The following CLDN4 variants were observed in gnomAD, a reference collection of about 807,000 sequenced individuals.
CLDN4 encodes claudin-4.
A neutral mutation model predicts 13.7 loss-of-function variants in CLDN4; 12 were observed. The observed-to-expected ratio is 0.88, with a 90% CI of 0.56 to 1.42. CLDN4 has a LOEUF of 1.42. Ranked by LOEUF, CLDN4 falls within the 40% of genes most tolerant of loss-of-function variation. The pLI is 0.00. For missense variants in CLDN4, 252 were observed against 297.4 expected (o/e 0.85, Z 1.12); for synonymous variants, 152 against 140.6 (o/e 1.08, Z -0.57).
chr7:73,831,782 C>A lies in CLDN4; in HGVS notation c.581C>A (p.Ser194Tyr). 1 of 1,594,328 alleles carries A rather than the reference C, an allele frequency of 6.3e-7. No homozygotes were observed. Among genetic ancestry groups the A allele is most frequent in the Admixed American group, 1.7e-5 (1 of 58,790 alleles). ...NCPPRTDKPY[S>Y]AKYSAARSAA... ...CCACCCCGCACAGACAAGCCTTACTCCGCCAAGTATTCTGCTGCCCGCTCT... is the reference window on the plus strand; with the variant it reads ...CCACCCCGCACAGACAAGCCTTACTACGCCAAGTATTCTGCTGCCCGCTCT... The change falls in exon 1 of 1, where the codon TCC becomes TAC. Residue 194 changes from serine (S) to tyrosine (Y), a missense_variant. By Grantham distance (144) the Ser-to-Tyr change is moderately radical (BLOSUM62 -2). Transcript: ENST00000340958.
Position 73,832,053 on chromosome 7 carries a change from C to T in CLDN4, c.*222C>T. On this transcript the variant is annotated 3_prime_UTR_variant, in exon 1 of 1. Transcript: ENST00000340958. Reference sequence around the variant, plus strand: ...CCTGCTAGCAAGAACAGAGTCCACCCTCCTCTGGATATTGGGGAGGGACGG... The same window carrying T: ...CCTGCTAGCAAGAACAGAGTCCACCTTCCTCTGGATATTGGGGAGGGACGG... 1 of 547,148 alleles carries T rather than the reference C, an allele frequency of 1.8e-6. No homozygotes were observed. The allele number at this position is 547,148 out of a possible 1,614,324, so 33.9% of individuals were successfully genotyped here. A position where few individuals can be genotyped will look rare whatever the true frequency, so the allele number is the denominator to read the frequency against.
At position 73,831,684 on chromosome 7, in the gene CLDN4, T is replaced by C; in HGVS notation, c.483T>C (p.Gly161=). Residue 161 remains glycine, a synonymous_variant, in exon 1 of 1, where the codon GGT becomes GGC. Transcript: ENST00000340958. The part of the protein sequence containing the change: ...LVASGQKREM[G]ASLYVGWAAS... ...CCTCCGGGCAGAAGCGGGAGATGGG[T>C]GCCTCGCTCTACGTCGGCTGGGCCG... 3 of 1,614,100 alleles carry C rather than the reference T, an allele frequency of 1.9e-6. No individual in the cohort carries two copies. The highest frequency in any genetic ancestry group is 2.5e-6 in the Non-Finnish European group (3 of 1,179,994).
chr7:73,831,595 G>T lies in CLDN4; in HGVS notation c.394G>T (p.Val132Leu), dbSNP rs1385845971. ...GVVFLLAGLM[V>L]IVPVSWTAHN... The stretch of plus-strand genomic sequence containing the variant: ...GGTGTTCCTGTTGGCCGGCCTTATG[G>T]TGATAGTGCCGGTGTCCTGGACGGC... Residue 132 changes from valine (V) to leucine (L), a missense_variant, in exon 1 of 1, where the codon GTG becomes TTG. Transcript: ENST00000340958. The T allele has an allele frequency of 1.2e-6, 2 of 1,614,056 alleles. No individual in the cohort carries two copies. The highest frequency in any genetic ancestry group is 2.7e-5 in the African/African-American group (2 of 74,946).
rs1127238 is a variant in CLDN4 at position 73,832,623 on chromosome 7, G to A, written c.*792G>A. 1 of 166,720 alleles carries A rather than the reference G, an allele frequency of 6.0e-6. No individual in the cohort carries two copies. The highest frequency in any genetic ancestry group is 6.6e-5 in the Admixed American group (1 of 15,246). The allele number at this position is 166,720 out of a possible 1,614,324, so 10.3% of individuals were successfully genotyped here. A position where few individuals can be genotyped will look rare whatever the true frequency, so the allele number is the denominator to read the frequency against. On this transcript the variant is annotated 3_prime_UTR_variant, in exon 1 of 1. Coordinates refer to ENST00000340958, the MANE Select transcript of CLDN4 (RefSeq NM_001305.5). ...TTGTGGTTTCTGTTTTGTAATTTAAGAAGAGCTATTCATCACTGTAATTAT... is the reference window on the plus strand; with the variant it reads ...TTGTGGTTTCTGTTTTGTAATTTAAAAAGAGCTATTCATCACTGTAATTAT...
Position 73,832,507 on chromosome 7 carries a change from C to G in CLDN4, c.*676C>G, listed in dbSNP as rs1554634290. On this transcript the variant is annotated 3_prime_UTR_variant, in exon 1 of 1. Coordinates refer to ENST00000340958, the MANE Select transcript of CLDN4 (RefSeq NM_001305.5). ...ACTGATCCCCTCTGAGTCCTCTGCC[C>G]CTTCCAAGGACACTAATGAGCCTGG... is the stretch of plus-strand genomic sequence containing the variant. The G allele has an allele frequency of 6.0e-6, 1 of 167,058 alleles. No homozygotes were observed. Among genetic ancestry groups the G allele is most frequent in the African/African-American group, 2.4e-5 (1 of 41,400 alleles). The allele number at this position is 167,058 out of a possible 1,614,324, so 10.3% of individuals were successfully genotyped here. A position where few individuals can be genotyped will look rare whatever the true frequency, so the allele number is the denominator to read the frequency against.
At position 73,831,085 on chromosome 7, in the gene CLDN4, C is replaced by A; in HGVS notation, c.-117C>A. ...AGGACTGGCTTTATCTCCTGACTCACGGTGCAAAGGTGCACTCTGCGAACG... is the reference window on the plus strand; with the variant it reads ...AGGACTGGCTTTATCTCCTGACTCAAGGTGCAAAGGTGCACTCTGCGAACG... On this transcript the variant is annotated 5_prime_UTR_variant, in exon 1 of 1. Transcript: ENST00000340958. The A allele has an allele frequency of 3.9e-6, 5 of 1,275,114 alleles. No individual in the cohort carries two copies. Among genetic ancestry groups the A allele is most frequent in the Non-Finnish European group, 5.4e-6 (5 of 931,138 alleles). 79.0% of individuals were successfully genotyped at this position (1,275,114 alleles called of 1,614,324 possible). A position where few individuals can be genotyped will look rare whatever the true frequency, so the allele number is the denominator to read the frequency against.
Position 73,831,305 on chromosome 7 carries a change from T to C in CLDN4, c.104T>C (p.Phe35Ser). The C allele has an allele frequency of 6.2e-7, 1 of 1,613,954 alleles. No homozygotes were observed. Among genetic ancestry groups the C allele is most frequent in the Non-Finnish European group, 8.5e-7 (1 of 1,179,948 alleles). ...CTGCCCATGTGGCGCGTGACGGCCTTCATCGGCAGCAACATTGTCACCTCG... is the reference window on the plus strand; with the variant it reads ...CTGCCCATGTGGCGCGTGACGGCCTCCATCGGCAGCAACATTGTCACCTCG... ...CALPMWRVTA[F>S]IGSNIVTSQT... Residue 35 changes from phenylalanine to serine, a missense_variant, in exon 1 of 1, where the codon TTC (phenylalanine) becomes TCC (serine). Phe to Ser is a radical substitution (Grantham distance 155, BLOSUM62 -2). Transcript: ENST00000340958.
At position 73,831,312 on chromosome 7, in the gene CLDN4, C is replaced by T. The variant is rs781935849; in HGVS notation, c.111C>T (p.Gly37=). ...LPMWRVTAFI[G]SNIVTSQTIW... The stretch of plus-strand genomic sequence containing the variant: ...TGTGGCGCGTGACGGCCTTCATCGG[C>T]AGCAACATTGTCACCTCGCAGACCA... The change falls in exon 1 of 1, where the codon GGC becomes GGT. Residue 37 remains glycine, a synonymous_variant. Coordinates refer to ENST00000340958, the MANE Select transcript of CLDN4 (RefSeq NM_001305.5). The T allele has an allele frequency of 8.7e-6, 14 of 1,613,862 alleles. No individual in the cohort carries two copies. The highest frequency in any genetic ancestry group is 1.2e-5 in the Non-Finnish European group (14 of 1,179,960).
At position 73,831,763 on chromosome 7, in the gene CLDN4, C is replaced by T. The variant is rs782258246; in HGVS notation, c.562C>T (p.Arg188Cys). 1.1e-5 allele frequency: 17 copies of T among 1,606,886 alleles called. No homozygotes were observed. Among genetic ancestry groups the T allele is most frequent in the African/African-American group, 1.3e-5 (1 of 74,848 alleles). Residue 188 changes from arginine (R) to cysteine (C), a missense_variant, in exon 1 of 1, where the codon CGC becomes TGC. Coordinates refer to ENST00000340958, the MANE Select transcript of CLDN4 (RefSeq NM_001305.5). Reference sequence around the variant, plus strand: ...GCTGCTTTGCTGCAACTGTCCACCCCGCACAGACAAGCCTTACTCCGCCAA... The same window carrying T: ...GCTGCTTTGCTGCAACTGTCCACCCTGCACAGACAAGCCTTACTCCGCCAA... The part of the protein sequence containing the change: ...GGLLCCNCPP[R>C]TDKPYSAKYS...
chr7:73,831,516 C>CA lies in CLDN4; in HGVS notation c.317dup (p.Asn106LysfsTer6), dbSNP rs782612684. 4 of 1,614,080 alleles carry CA rather than the reference C, an allele frequency of 2.5e-6. No homozygotes were observed. The East Asian group carries it at 8.9e-5, about 36-fold the overall frequency. ...TGTCCGTGGTGGGGGGCAAGTGTAC[C>CA]AACTGCCTGGAGGATGAAAGCGCCA... On this transcript the variant is annotated frameshift_variant, in exon 1 of 1. Coordinates refer to ENST00000340958, the MANE Select transcript of CLDN4 (RefSeq NM_001305.5). LOFTEE classifies it high-confidence loss of function.
rs879973190 is a variant in CLDN4 at position 73,831,894 on chromosome 7, G to C, written c.*63G>C. 56 of 1,515,922 alleles carry C rather than the reference G, an allele frequency of 3.7e-5. 1 individual carries two copies. The South Asian group carries it at 6.8e-4, about 18-fold the overall frequency. The allele number at this position is 1,515,922 out of a possible 1,614,324, so 93.9% of individuals were successfully genotyped here. On this transcript the variant is annotated 3_prime_UTR_variant, in exon 1 of 1. Coordinates refer to ENST00000340958, the MANE Select transcript of CLDN4 (RefSeq NM_001305.5). ...CTTCCCTGGACTGAGCTCAGCGCAG[G>C]CTGTGACCCCAGGAGGGCCCTGCCA...
chr7:73,831,491 T>G lies in CLDN4; in HGVS notation c.290T>G (p.Leu97Arg), dbSNP rs1554634097. ...SIIVAALGVL[L>R]SVVGGKCTNC... Reference sequence around the variant, plus strand: ...ATCGTGGCTGCTCTGGGCGTGCTGCTGTCCGTGGTGGGGGGCAAGTGTACC... The same window carrying G: ...ATCGTGGCTGCTCTGGGCGTGCTGCGGTCCGTGGTGGGGGGCAAGTGTACC... The change falls in exon 1 of 1, where the codon CTG (leucine) becomes CGG (arginine). Residue 97 changes from leucine (L) to arginine (R), a missense_variant. Leu to Arg is a moderately radical substitution (Grantham distance 102). Coordinates refer to ENST00000340958, the MANE Select transcript of CLDN4 (RefSeq NM_001305.5). The G allele has an allele frequency of 6.2e-7, 1 of 1,614,212 alleles. No individual in the cohort carries two copies. Among genetic ancestry groups the G allele is most frequent in the South Asian group, 1.1e-5 (1 of 91,084 alleles).
At position 73,831,801 on chromosome 7, in the gene CLDN4, C is replaced by T; in HGVS notation, c.600C>T (p.Ala200=). 1 of 1,577,400 alleles carries T rather than the reference C, an allele frequency of 6.3e-7. No homozygotes were observed. Among genetic ancestry groups the T allele is most frequent in the Non-Finnish European group, 8.6e-7 (1 of 1,159,314 alleles). Residue 200 remains alanine (A), a synonymous_variant, in exon 1 of 1, where the codon GCC becomes GCT. Transcript: ENST00000340958. ...CTTACTCCGCCAAGTATTCTGCTGC[C>T]CGCTCTGCTGCTGCCAGCAACTACG... ...DKPYSAKYSA[A]RSAAASNYV
Position 73,831,268 on chromosome 7 carries a change from C to T in CLDN4, c.67C>T (p.Leu23=). 6.2e-7 allele frequency: 1 copy of T among 1,609,414 alleles called. No individual in the cohort carries two copies. The highest frequency in any genetic ancestry group is 8.5e-7 in the Non-Finnish European group (1 of 1,177,084). ...CGTCCTGGGCTGGCTGGCCGTCATG[C>T]TGTGCTGCGCGCTGCCCATGTGGCG... ...LAVLGWLAVM[L]CCALPMWRVT... The change falls in exon 1 of 1, where the codon CTG becomes TTG. Residue 23 remains leucine (L), a synonymous_variant. Transcript: ENST00000340958.
At position 73,832,276 on chromosome 7, in the gene CLDN4, C is replaced by T. The variant is rs1248168584; in HGVS notation, c.*445C>T. The T allele has an allele frequency of 1.1e-5, 2 of 177,320 alleles. No individual in the cohort carries two copies. Among genetic ancestry groups the T allele is most frequent in the African/African-American group, 2.4e-5 (1 of 41,770 alleles). 11.0% of individuals were successfully genotyped at this position (177,320 alleles called of 1,614,324 possible). A position where few individuals can be genotyped will look rare whatever the true frequency, so the allele number is the denominator to read the frequency against. On this transcript the variant is annotated 3_prime_UTR_variant, in exon 1 of 1. Transcript: ENST00000340958. ...GGACTGTGCCTTGCTCACCGAAACC[C>T]GCGCCCAGGAGTATGGCTGAGGCCT...
rs1788027245 is a variant in CLDN4 at position 73,831,352 on chromosome 7, T to C, written c.151T>C (p.Trp51Arg). 2.5e-6 allele frequency: 4 copies of C among 1,614,054 alleles called. No individual in the cohort carries two copies. The highest frequency in any genetic ancestry group is 3.4e-6 in the Non-Finnish European group (4 of 1,179,986). ...VTSQTIWEGL[W>R]MNCVVQSTGQ... Reference sequence around the variant, plus strand: ...CTCGCAGACCATCTGGGAGGGCCTATGGATGAACTGCGTGGTGCAGAGCAC... The same window carrying C: ...CTCGCAGACCATCTGGGAGGGCCTACGGATGAACTGCGTGGTGCAGAGCAC... The change falls in exon 1 of 1, where the codon TGG (tryptophan) becomes CGG (arginine). Residue 51 changes from tryptophan (W) to arginine (R), a missense_variant. By Grantham distance (101) the Trp-to-Arg change is moderately radical. Coordinates refer to ENST00000340958, the MANE Select transcript of CLDN4 (RefSeq NM_001305.5).
rs782733838 is a variant in CLDN4, at chr7:73,831,797, C to T, written c.596C>T (p.Ala199Val). ...TDKPYSAKYS[A>V]ARSAAASNYV ...AAGCCTTACTCCGCCAAGTATTCTGCTGCCCGCTCTGCTGCTGCCAGCAAC... is the reference window on the plus strand; with the variant it reads ...AAGCCTTACTCCGCCAAGTATTCTGTTGCCCGCTCTGCTGCTGCCAGCAAC... The change falls in exon 1 of 1, where the codon GCT (alanine) becomes GTT (valine). Residue 199 changes from alanine (A) to valine (V), a missense_variant. Coordinates refer to ENST00000340958, the MANE Select transcript of CLDN4 (RefSeq NM_001305.5). 3.2e-6 allele frequency: 5 copies of T among 1,578,110 alleles called. No individual in the cohort carries two copies. Among genetic ancestry groups the T allele is most frequent in the Non-Finnish European group, 4.3e-6 (5 of 1,159,868 alleles).
rs1352397982 is a variant in CLDN4 at position 73,832,227 on chromosome 7, G to A, written c.*396G>A. 6.0e-5 allele frequency: 13 copies of A among 215,478 alleles called. No individual in the cohort carries two copies. The highest frequency in any genetic ancestry group is 2.1e-4 in the African/African-American group (9 of 43,090). The allele number at this position is 215,478 out of a possible 1,614,324, so 13.3% of individuals were successfully genotyped here. ...TGTCTGCCTGCATCTCCTCTGTTCC[G>A]GGTAGGCCTTGATATCACCTCTGGG... On this transcript the variant is annotated 3_prime_UTR_variant, in exon 1 of 1. Coordinates refer to ENST00000340958, the MANE Select transcript of CLDN4 (RefSeq NM_001305.5).
Position 73,831,416 on chromosome 7 carries a change from C to T in CLDN4, c.215C>T (p.Ala72Val), listed in dbSNP as rs1226802610. ...TGCAAGGTGTACGACTCGCTGCTGGCACTGCCGCAGGACCTGCAGGCGGCC... is the reference window on the plus strand; with the variant it reads ...TGCAAGGTGTACGACTCGCTGCTGGTACTGCCGCAGGACCTGCAGGCGGCC... ...MQCKVYDSLLALPQDLQAARA... is the reference protein window; with the variant it reads ...MQCKVYDSLLVLPQDLQAARA... The change falls in exon 1 of 1, where the codon GCA (alanine) becomes GTA (valine). Residue 72 changes from alanine to valine, a missense_variant. Ala to Val is a moderately conservative substitution (Grantham distance 64). Coordinates refer to ENST00000340958, the MANE Select transcript of CLDN4 (RefSeq NM_001305.5). 1.1e-5 allele frequency: 17 copies of T among 1,614,020 alleles called. No individual in the cohort carries two copies. The highest frequency in any genetic ancestry group is 1.4e-5 in the Non-Finnish European group (16 of 1,180,020).
Sources: allele counts gnomAD v4.1 joint callset, GRCh38; gene constraint gnomAD v4.1.1; transcripts MANE v1.5; gene names NCBI Gene and HGNC (gene_info 2026-07-23, HGNC 2026-07-21).